PACRG: variants seen among roughly 807,000 people sequenced by gnomAD.
The protein encoded by PACRG is parkin coregulated gene protein.
In PACRG, 29 loss-of-function variants were observed where a neutral mutation model predicts 29.7. That is an observed-to-expected ratio of 0.98 (90% CI 0.73 to 1.33). The LOEUF (loss-of-function observed/expected upper bound fraction) is 1.33, where lower values mean the gene tolerates loss of function less well. Among genes scored for constraint, PACRG ranks in the 40% most tolerant of loss-of-function variants. The pLI is 0.00. For synonymous variants in PACRG, 116 were observed against 118.7 expected (o/e 0.98, Z 0.15); for missense variants, 279 against 316.2 (o/e 0.88, Z 0.89).
intron 1 of PACRG, among the ~76,000 whole-genome samples, chr6:162,747,254 T>A (rs554527537): frequency 5.4e-5 from 8 of 146,868 alleles, no homozygotes; most frequent in Non-Finnish European, 1.0e-4. Context: ...CCATGCTGGA[T>A]GCTTCTTGCT....
chr6:163,210,747 C>G (rs2128154373), intron 4 of PACRG, among the ~76,000 whole-genome samples: 1 of 152,266 alleles, frequency 6.6e-6, no homozygotes, highest in Non-Finnish European at 1.5e-5. Context: ...AGGGCATAAC[C>G]TTGAATATTT....
intron 1 of PACRG, among the ~76,000 whole-genome samples, chr6:162,747,322 G>T (rs1781068632): frequency 5.3e-5 from 4 of 75,456 alleles, no homozygotes; most frequent in Admixed American, 1.8e-4. Flanking sequence ...GGCTCTCCTT[G>T]CTCATATATA....
chr6:163,102,387 A>T (rs987327027), intron 4 of PACRG, among the ~76,000 whole-genome samples: 2 of 152,180 alleles, frequency 1.3e-5, no homozygotes, highest in African/African-American at 4.8e-5. Context: ...GAAGAACTGC[A>T]ATCCAATCTC....
At chr6:162,971,163 C>T (rs1801498563) in intron 2 of PACRG, among the ~76,000 whole-genome samples, 1 of 152,194 alleles carries the variant, frequency 6.6e-6, no homozygotes, top group Non-Finnish European at 1.5e-5. Flanking sequence ...ACTTGACAAG[C>T]GTTTTAGAGA....
chr6:163,160,185 A>G (rs776143769), intron 4 of PACRG, among the ~76,000 whole-genome samples: 39 of 152,318 alleles, frequency 2.6e-4, no homozygotes, highest in Non-Finnish European at 4.6e-4. Flanking sequence ...AAGTTTGATG[A>G]GGTTTCTTAA....
Position 163,271,777 on chromosome 6 carries a change from A to T in PACRG, c.614-43050A>T, listed in dbSNP as rs549601613. 2.0e-5 allele frequency among the ~76,000 whole-genome samples: 3 copies of T among 152,304 alleles called. No homozygotes were observed. In the East Asian group the frequency reaches 5.8e-4, roughly 29 times the overall value. On this transcript the variant is annotated intron_variant, in intron 4 of 4. Coordinates refer to ENST00000366888, the MANE Select transcript of PACRG (RefSeq NM_001080379.2). ...TGTTGCTTGTGTATTTTCACATATG[A>T]AATTTGAGACCAATATGTCTAATTA...
At chr6:162,875,659 A>G (rs1793279089) in intron 2 of PACRG, among the ~76,000 whole-genome samples, 1 of 152,246 alleles carries the variant, frequency 6.6e-6, no homozygotes, top group African/African-American at 2.4e-5. Context: ...AGTAACATAC[A>G]GTCTATGTCC....
At chr6:163,116,395 A>G (rs1019633276) in intron 4 of PACRG, among the ~76,000 whole-genome samples, 4 of 152,112 alleles carry the variant, frequency 2.6e-5, no homozygotes, top group Non-Finnish European at 4.4e-5. Flanking sequence ...CCCACCTCCA[A>G]CACTGGGGAC....
chr6:163,221,559 T>A (rs1273658781), intron 4 of PACRG, among the ~76,000 whole-genome samples: 1 of 152,270 alleles, frequency 6.6e-6, no homozygotes, highest in African/African-American at 2.4e-5. Context: ...AATCCTAGGC[T>A]TCCGCCTGAT....
At chr6:163,276,010 T>TC (rs1297878340) in intron 4 of PACRG, among the ~76,000 whole-genome samples, 5,233 of 144,944 alleles carry the variant, frequency 0.036, 244 homozygotes, top group African/African-American at 0.12. Flanking sequence ...CTTCCTTCCT[T>TC]CTTTCTTTCT....
chr6:163,181,006 C>T (rs554011917), intron 4 of PACRG, among the ~76,000 whole-genome samples: 32 of 152,266 alleles, frequency 2.1e-4, no homozygotes, highest in African/African-American at 7.7e-4. Flanking sequence ...GGTGTGAACC[C>T]AGATAGGTCA....
intron 2 of PACRG, among the ~76,000 whole-genome samples, chr6:162,855,731 G>T (rs942249374): frequency 2.0e-5 from 3 of 152,120 alleles, no homozygotes; most frequent in Admixed American, 2.0e-4. Flanking sequence ...GCTTCCCAGC[G>T]CCCCAACTCC....
chr6:162,847,006 ACT>A (rs1349812649), intron 2 of PACRG, among the ~76,000 whole-genome samples: 1 of 125,864 alleles, frequency 7.9e-6, no homozygotes, highest in Non-Finnish European at 1.7e-5. Context: ...TGCTCCCCAC[ACT>A]GTGATGCCCC....
chr6:162,727,701 A>G (rs1248148745), upstream of PACRG: 3 of 1,564,314 alleles, frequency 1.9e-6, no homozygotes, highest in Admixed American at 3.8e-5. Flanking sequence ...GCGGGCCAGG[A>G]ACAGGCCCAT....
chr6:163,080,634 A>G (rs1812992825), intron 3 of PACRG, among the ~76,000 whole-genome samples: 1 of 152,246 alleles, frequency 6.6e-6, no homozygotes. Flanking sequence ...TTATGTATCT[A>G]CATTTAAAAC....
At chr6:163,090,478 C>T (rs1278715774) in intron 4 of PACRG, among the ~76,000 whole-genome samples, 2 of 152,168 alleles carry the variant, frequency 1.3e-5, no homozygotes, top group African/African-American at 4.8e-5. Flanking sequence ...ATCTGAAGAG[C>T]TGTGGGTAAG....
chr6:162,800,156 G>A (rs920172472), intron 1 of PACRG, among the ~76,000 whole-genome samples: 1 of 152,166 alleles, frequency 6.6e-6, no homozygotes, highest in African/African-American at 2.4e-5. Context: ...CTGCACTTGG[G>A]CACTTAAATA....
At chr6:163,187,959 C>G (rs898382238) in intron 4 of PACRG, 3 of 152,206 alleles carry the variant, frequency 2.0e-5, no homozygotes, top group African/African-American at 7.2e-5. Flanking sequence ...ATAAATTGTC[C>G]ACTCTTCAAC....
At chr6:163,104,296 A>G (rs921360160) in intron 4 of PACRG, among the ~76,000 whole-genome samples, 8 of 152,246 alleles carry the variant, frequency 5.3e-5, no homozygotes, top group African/African-American at 1.7e-4. Context: ...TTGTGTTAGA[A>G]GGCATGTAAC....
Sources: gnomAD v4.1 joint callset for allele counts (sites outside exome capture counted in the v4.1 genomes callset) on GRCh38, gnomAD v4.1.1 for gene constraint, MANE v1.5 for transcripts, NCBI Gene and HGNC (gene_info 2026-07-23, HGNC 2026-07-21) for gene names.